The following CSTPP1 variants were observed in gnomAD, a reference collection of about 807,000 sequenced individuals.
CSTPP1 encodes the protein centriolar satellite-associated tubulin polyglutamylase complex regulator 1.
chr11:46,991,239 G>T, the CSTPP1 span, among the ~76,000 whole-genome samples: 1 of 148,858 alleles, frequency 6.7e-6, no homozygotes. Context: ...GAGGCTCCTT[G>T]GAGATCAGAC....
chr11:46,938,596 C>G, the CSTPP1 span, among the ~76,000 whole-genome samples: 1 of 151,414 alleles, frequency 6.6e-6, no homozygotes, highest in South Asian at 2.1e-4. Flanking sequence ...TTTGCCTTTT[C>G]CAGAATATCA....
the CSTPP1 span, among the ~76,000 whole-genome samples, chr11:46,993,569 C>A: frequency 6.6e-6 from 1 of 151,926 alleles, no homozygotes; most frequent in Non-Finnish European, 1.5e-5. Context: ...TCAGGTTTGT[C>A]AAAGATCAGA....
At chr11:47,002,056 GGGTA>G in the CSTPP1 span, among the ~76,000 whole-genome samples, 2 of 152,068 alleles carry the variant, frequency 1.3e-5, no homozygotes, top group Non-Finnish European at 2.9e-5. Context: ...TCTTCAAAAG[GGGTA>G]ATGCTTCCCC....
chr11:47,074,421 G>T, the CSTPP1 span, among the ~76,000 whole-genome samples: 1 of 150,418 alleles, frequency 6.6e-6, no homozygotes, highest in African/African-American at 2.4e-5. Flanking sequence ...GATTCCTTGA[G>T]CTCAGGAGGT....
the CSTPP1 span, among the ~76,000 whole-genome samples, chr11:47,079,291 G>A: frequency 1.1e-4 from 17 of 152,198 alleles, no homozygotes; most frequent in Non-Finnish European, 2.4e-4. Flanking sequence ...CCTGGATTCA[G>A]ATAAAAGAAG....
the CSTPP1 span, among the ~76,000 whole-genome samples, chr11:47,046,534 C>A: frequency 6.6e-6 from 1 of 151,794 alleles, no homozygotes; most frequent in Non-Finnish European, 1.5e-5. Context: ...TAAAGAAGAG[C>A]TAAATAAATA....
At chr11:46,952,175 G>C in the CSTPP1 span, among the ~76,000 whole-genome samples, 1 of 152,146 alleles carries the variant, frequency 6.6e-6, no homozygotes, top group African/African-American at 2.4e-5. Flanking sequence ...TGAAAGGCAG[G>C]GTCTGCTTTA....
chr11:46,990,708 T>C, the CSTPP1 span, among the ~76,000 whole-genome samples: 1 of 152,214 alleles, frequency 6.6e-6, no homozygotes, highest in Non-Finnish European at 1.5e-5. Flanking sequence ...TTGCCAAGGC[T>C]GATGTTGAGA....
the CSTPP1 span, among the ~76,000 whole-genome samples, chr11:47,074,869 C>T: frequency 3.3e-5 from 5 of 152,144 alleles, no homozygotes; most frequent in African/African-American, 9.7e-5. Flanking sequence ...TTCATCGATT[C>T]GTTTATTCAA....
the CSTPP1 span, chr11:47,155,247 A>C: frequency 6.2e-7 from 1 of 1,613,452 alleles, no homozygotes; most frequent in Non-Finnish European, 8.5e-7. Context: ...TTCCAGATCC[A>C]GTTTTACTAC....
At chr11:46,953,055 C>T in the CSTPP1 span, among the ~76,000 whole-genome samples, 2 of 151,850 alleles carry the variant, frequency 1.3e-5, no homozygotes, top group Non-Finnish European at 2.9e-5. Context: ...ACACTGGGGA[C>T]GTGGGGGTGG....
chr11:47,023,905 A>G, the CSTPP1 span, among the ~76,000 whole-genome samples: 1 of 152,198 alleles, frequency 6.6e-6, no homozygotes, highest in African/African-American at 2.4e-5. Context: ...ATTGCTGTGA[A>G]CATGGGTGTA....
the CSTPP1 span, among the ~76,000 whole-genome samples, chr11:47,038,448 C>CG: frequency 2.0e-5 from 2 of 98,406 alleles, no homozygotes; most frequent in African/African-American, 3.0e-5. Context: ...GCTGGCCGGG[C>CG]GGGGGGCTGA....
the CSTPP1 span, among the ~76,000 whole-genome samples, chr11:47,005,330 T>TA: frequency 6.6e-6 from 1 of 152,210 alleles, no homozygotes; most frequent in East Asian, 1.9e-4. Flanking sequence ...TAAGTATTGT[T>TA]ATAGAGCTTC....
At chr11:46,965,764 C>T in the CSTPP1 span, among the ~76,000 whole-genome samples, 1 of 151,996 alleles carries the variant, frequency 6.6e-6, no homozygotes, top group East Asian at 1.9e-4. Context: ...TTTAAATTGC[C>T]TTTTCAGGTA....
At chr11:47,101,201 A>T in the CSTPP1 span, among the ~76,000 whole-genome samples, 845 of 21,844 alleles carry the variant, frequency 0.039, 1 homozygote, top group African/African-American at 0.12. Flanking sequence ...TTTTATTTTT[A>T]GTAGAGATGG....
At chr11:47,159,420 G>T in the CSTPP1 span, among the ~76,000 whole-genome samples, 1 of 152,080 alleles carries the variant, frequency 6.6e-6, no homozygotes, top group Non-Finnish European at 1.5e-5. Flanking sequence ...TGAGGCATGA[G>T]AATCGGTTGA....
At chr11:47,070,787 G>A in the CSTPP1 span, among the ~76,000 whole-genome samples, 1 of 152,126 alleles carries the variant, frequency 6.6e-6, no homozygotes, top group East Asian at 1.9e-4. Flanking sequence ...TGTCACTGCT[G>A]CTGAGAACCT....
At chr11:47,157,746 G>A in the CSTPP1 span, 1 of 1,497,648 alleles carries the variant, frequency 6.7e-7, no homozygotes, top group African/African-American at 1.4e-5. Context: ...TCATGAACCT[G>A]AAAGTATGGA....
Sources: allele counts gnomAD v4.1 joint callset (sites outside exome capture counted in the v4.1 genomes callset), GRCh38; gene constraint gnomAD v4.1.1; transcripts MANE v1.5; gene names NCBI Gene and HGNC (gene_info 2026-07-23, HGNC 2026-07-21).